Variants in CDKAL1 observed in about 807,000 individuals in gnomAD.
CDKAL1 encodes the protein CDKAL1 threonylcarbamoyladenosine tRNA methylthiotransferase, also known as threonylcarbamoyladenosine tRNA methylthiotransferase.
Under a neutral mutation model 68.2 loss-of-function variants are expected in CDKAL1, and 32 were observed. The ratio of observed to expected loss-of-function variants is 0.47; its 90% confidence interval spans 0.35 to 0.63. CDKAL1 has a LOEUF of 0.63. Ranked by LOEUF, CDKAL1 falls within the 30% of genes least tolerant of loss-of-function variation. The probability of loss-of-function intolerance (pLI) is 0.00; values close to 1 mark genes in which losing one functional copy is unlikely to be tolerated. For synonymous variants in CDKAL1, 234 were observed against 244.3 expected, an observed-to-expected ratio of 0.96 and a Z score of 0.39; for missense variants, 606 against 696.7, an observed-to-expected ratio of 0.87 and a Z score of 1.47.
chr6:21,114,203 T>A (rs1424094358), intron 13 of CDKAL1, among the ~76,000 whole-genome samples: 13 of 137,496 alleles, frequency 9.5e-5, no homozygotes, highest in Non-Finnish European at 1.7e-4. Context: ...AGCCGAGATC[T>A]CGCCACTGCA....
chr6:21,002,120 G>A, intron 11 of CDKAL1, among the ~76,000 whole-genome samples: 1 of 152,126 alleles, frequency 6.6e-6, no homozygotes, highest in Non-Finnish European at 1.5e-5. Context: ...GTTCCATCTT[G>A]GACAGTTCCA....
intron 4 of CDKAL1, among the ~76,000 whole-genome samples, chr6:20,550,990 C>T (rs560271091): frequency 1.3e-5 from 2 of 151,534 alleles, no homozygotes; most frequent in South Asian, 4.2e-4. Context: ...CTCAGCCTCC[C>T]GAGTAGCTGG....
intron 5 of CDKAL1, among the ~76,000 whole-genome samples, chr6:20,671,647 A>C (rs559351731): frequency 6.6e-6 from 1 of 152,236 alleles, no homozygotes; most frequent in African/African-American, 2.4e-5. Context: ...GTATGAATCT[A>C]CTTTTTTCTT....
intron 9 of CDKAL1, among the ~76,000 whole-genome samples, chr6:20,867,617 G>A (rs1330140443): frequency 6.6e-6 from 1 of 152,182 alleles, no homozygotes; most frequent in Non-Finnish European, 1.5e-5. Context: ...TTCAGAACCA[G>A]TGGAGGAGTT....
intron 9 of CDKAL1, among the ~76,000 whole-genome samples, chr6:20,930,746 ATTT>A (rs34094116): frequency 1.3e-4 from 19 of 142,322 alleles, no homozygotes; most frequent in East Asian, 2.1e-4. Context: ...TATTATGTGT[ATTT>A]TTTTTTTTTT....
intron 4 of CDKAL1, among the ~76,000 whole-genome samples, chr6:20,642,532 T>G (rs2127752837): frequency 6.7e-6 from 1 of 148,942 alleles, no homozygotes; most frequent in East Asian, 2.0e-4. Context: ...GGTGCCCAGC[T>G]CACTCATAAT....
At chr6:20,989,199 G>A (rs1344642744) in intron 10 of CDKAL1, among the ~76,000 whole-genome samples, 3 of 152,062 alleles carry the variant, frequency 2.0e-5, no homozygotes, top group Admixed American at 2.0e-4. Flanking sequence ...AAACTGTTCC[G>A]CAGACTGCCT....
At chr6:21,147,485 A>T (rs1239898396) in intron 13 of CDKAL1, among the ~76,000 whole-genome samples, 1 of 152,166 alleles carries the variant, frequency 6.6e-6, no homozygotes, top group African/African-American at 2.4e-5. Flanking sequence ...AGAATAACAA[A>T]TGCTAACTTG....
At chr6:20,985,768 A>G (rs917340441) in intron 10 of CDKAL1, among the ~76,000 whole-genome samples, 3 of 151,970 alleles carry the variant, frequency 2.0e-5, no homozygotes, top group Non-Finnish European at 2.9e-5. Flanking sequence ...ATGCCACTGC[A>G]TTCCAACCTG....
At chr6:20,965,279 C>G (rs891222986) in intron 10 of CDKAL1, among the ~76,000 whole-genome samples, 5 of 149,892 alleles carry the variant, frequency 3.3e-5, no homozygotes, top group Non-Finnish European at 5.9e-5. Flanking sequence ...ATAACTGCAC[C>G]CTGGCCTGAG....
intron 10 of CDKAL1, among the ~76,000 whole-genome samples, chr6:20,969,524 G>A (rs755067717): frequency 7.2e-5 from 11 of 152,106 alleles, no homozygotes; most frequent in South Asian, 2.1e-4. Flanking sequence ...GTACAAACCC[G>A]TGTTTTTAAG....
chr6:20,722,441 G>T, intron 5 of CDKAL1: 1 of 285,112 alleles, frequency 3.5e-6, no homozygotes, highest in Non-Finnish European at 6.8e-6. Flanking sequence ...AAGCACTGAA[G>T]CCTCATCACA....
At chr6:20,752,442 G>A (rs982830321) in intron 6 of CDKAL1, among the ~76,000 whole-genome samples, 1 of 151,966 alleles carries the variant, frequency 6.6e-6, no homozygotes, top group Non-Finnish European at 1.5e-5. Context: ...GACCATCAGG[G>A]TCTCCATCTT....
At chr6:20,602,124 A>G (rs1032950205) in intron 4 of CDKAL1, among the ~76,000 whole-genome samples, 2 of 152,218 alleles carry the variant, frequency 1.3e-5, no homozygotes, top group African/African-American at 4.8e-5. Flanking sequence ...AGATAGCAGT[A>G]TTATAATACT....
chr6:20,866,721 C>T (rs551433347), intron 9 of CDKAL1, among the ~76,000 whole-genome samples: 4 of 152,236 alleles, frequency 2.6e-5, no homozygotes, highest in South Asian at 4.2e-4. Context: ...TGTTATTTTA[C>T]GGGGTTCCTG....
At chr6:20,809,047 T>C (rs545135298) in intron 8 of CDKAL1, among the ~76,000 whole-genome samples, 75 of 152,336 alleles carry the variant, frequency 4.9e-4, no homozygotes, top group Middle Eastern at 3.4e-3. Flanking sequence ...TCTATTAATA[T>C]TGCTTGCAGA....
intron 11 of CDKAL1, among the ~76,000 whole-genome samples, chr6:21,026,370 C>G (rs1036472558): frequency 6.6e-6 from 1 of 152,000 alleles, no homozygotes; most frequent in African/African-American, 2.4e-5. Context: ...GATTTGGAGT[C>G]AAGAAATAAG....
chr6:20,581,127 C>T (rs747992600), intron 4 of CDKAL1, among the ~76,000 whole-genome samples: 1 of 152,084 alleles, frequency 6.6e-6, no homozygotes, highest in Non-Finnish European at 1.5e-5. Flanking sequence ...AGAGAAGCCC[C>T]GATATTTTTG....
chr6:21,099,808 G>A (rs548738704), intron 12 of CDKAL1, among the ~76,000 whole-genome samples: 23 of 152,310 alleles, frequency 1.5e-4, no homozygotes, highest in African/African-American at 4.6e-4. Context: ...GACCTATGTC[G>A]TAAGACTGTT....
Sources: allele counts gnomAD v4.1 joint callset (sites outside exome capture counted in the v4.1 genomes callset), GRCh38; gene constraint gnomAD v4.1.1; transcripts MANE v1.5; gene names NCBI Gene and HGNC (gene_info 2026-07-23, HGNC 2026-07-21).